TAOK1: variants seen among roughly 807,000 people sequenced by gnomAD.
TAOK1 encodes serine/threonine-protein kinase TAO1.
TAOK1 carries 21 observed loss-of-function variants against 138.3 expected under a neutral mutation model. The ratio of observed to expected loss-of-function variants is 0.15; its 90% CI spans 0.11 to 0.22. TAOK1 has a LOEUF of 0.22. Ranked by LOEUF, TAOK1 falls within the 10% of genes least tolerant of loss-of-function variation. TAOK1 has a pLI of 1.00. For synonymous variants in TAOK1, 361 were observed against 398.4 expected, an observed-to-expected ratio of 0.91 and a Z score of 1.12; for missense variants, 651 against 1,227.7, an observed-to-expected ratio of 0.53 and a Z score of 7.02.
At chr17:29,443,303 G>A (rs531921732) in intron 1 of TAOK1, among the ~76,000 whole-genome samples, 5 of 152,318 alleles carry the variant, frequency 3.3e-5, no homozygotes, top group African/African-American at 1.2e-4. Flanking sequence ...TGAATGTGCT[G>A]TAATTATCAG....
At chr17:29,463,301 G>A (rs975589879) in intron 2 of TAOK1, among the ~76,000 whole-genome samples, 3 of 152,252 alleles carry the variant, frequency 2.0e-5, no homozygotes, top group Middle Eastern at 3.4e-3. Context: ...CAGGCACGGT[G>A]GGTCATGCCT....
chr17:29,478,815 C>T (rs1414745977), intron 6 of TAOK1, among the ~76,000 whole-genome samples: 1 of 152,064 alleles, frequency 6.6e-6, no homozygotes, highest in Non-Finnish European at 1.5e-5. Context: ...GATTCTATGA[C>T]ATGGACGAAT....
At chr17:29,454,819 A>T (rs771977151) in intron 2 of TAOK1, among the ~76,000 whole-genome samples, 2 of 151,838 alleles carry the variant, frequency 1.3e-5, no homozygotes, top group African/African-American at 2.4e-5. Context: ...CTCCTGCCTC[A>T]GCCTCTCAAG....
rs573503282 is a variant in TAOK1 at position 29,495,732 on chromosome 17, G to A, written c.999+5G>A. ...GAAGCACAGGAAGAAGAAGAGGTAA[G>A]AGATAAAAAAATGACTCCAATATTG... On this transcript the variant is annotated splice_donor_5th_base_variant and intron_variant, in intron 11 of 19. Transcript: ENST00000261716. 5.0e-5 allele frequency: 79 copies of A among 1,586,474 alleles called. No homozygotes were observed. The South Asian group carries it at 8.7e-4, about 17-fold the overall frequency.
intron 1 of TAOK1, among the ~76,000 whole-genome samples, chr17:29,431,981 AC>A (rs1447068816): frequency 1.3e-5 from 2 of 151,618 alleles, no homozygotes; most frequent in Non-Finnish European, 2.9e-5. Context: ...TAATTTTTGT[AC>A]TTTTTAGTAG....
intron 2 of TAOK1, 43 bp from the exon 3 acceptor site, chr17:29,467,102 C>T: frequency 2.1e-6 from 3 of 1,444,800 alleles, no homozygotes; most frequent in South Asian, 1.3e-5. Context: ...CTAGATTTCA[C>T]CTGTTAATTT....
intron 15 of TAOK1, among the ~76,000 whole-genome samples, chr17:29,516,110 C>T (rs1241116145): frequency 1.3e-5 from 2 of 148,738 alleles, no homozygotes; most frequent in Non-Finnish European, 3.0e-5. Flanking sequence ...TGCAAGCCTG[C>T]ACCACCATGC....
At chr17:29,393,445 A>G (rs1471292089) in intron 1 of TAOK1, among the ~76,000 whole-genome samples, 1 of 152,338 alleles carries the variant, frequency 6.6e-6, no homozygotes, top group South Asian at 2.1e-4. Flanking sequence ...AAGTATGTTC[A>G]TGATCAATTA....
intron 1 of TAOK1, among the ~76,000 whole-genome samples, chr17:29,427,647 C>T (rs1905685776): frequency 6.6e-6 from 1 of 151,668 alleles, no homozygotes. Context: ...ATTTTCTTGG[C>T]CAGGCGTAGT....
At chr17:29,498,239 T>G (rs1278633285) in intron 11 of TAOK1, 79 bp from the exon 12 acceptor site, 21 of 1,446,442 alleles carry the variant, frequency 1.5e-5, no homozygotes, top group Non-Finnish European at 1.8e-5. Context: ...AGTGGTATGC[T>G]AGGTGCTTAT....
At chr17:29,415,077 C>T (rs1326942168) in intron 1 of TAOK1, among the ~76,000 whole-genome samples, 1 of 152,102 alleles carries the variant, frequency 6.6e-6, no homozygotes, top group Non-Finnish European at 1.5e-5. Context: ...TCAAGCGATT[C>T]TCCTGCCTCA....
intron 1 of TAOK1, among the ~76,000 whole-genome samples, chr17:29,422,460 C>G (rs532949330): frequency 6.6e-6 from 1 of 151,830 alleles, no homozygotes; most frequent in South Asian, 2.1e-4. Context: ...TCAGGTGATC[C>G]GCCCGCCTCA....
intron 9 of TAOK1, 43 bp from the exon 10 acceptor site, chr17:29,491,741 A>C (rs780751994): frequency 7.1e-7 from 1 of 1,399,504 alleles, no homozygotes; most frequent in Non-Finnish European, 1.0e-6. Context: ...GTATTTTTAA[A>C]GGAAATAGCA....
intron 1 of TAOK1, among the ~76,000 whole-genome samples, chr17:29,413,826 C>T (rs1452642932): frequency 1.3e-5 from 2 of 149,252 alleles, no homozygotes; most frequent in Non-Finnish European, 3.0e-5. Context: ...TTTGCCTATT[C>T]TGGATACTTC....
intron 1 of TAOK1, among the ~76,000 whole-genome samples, chr17:29,423,083 T>C (rs1357761207): frequency 1.3e-5 from 2 of 151,848 alleles, no homozygotes; most frequent in Non-Finnish European, 2.9e-5. Context: ...TTGGTTTCTT[T>C]TTTTTCCCCC....
rs149712326 is a variant in TAOK1, at chr17:29,550,839, T to G, written c.*7817T>G. On this transcript the variant is annotated 3_prime_UTR_variant, in exon 20 of 20. Transcript: ENST00000261716. ...TAAAAGAAAGAAATTAGTACATCAT[T>G]TTCTCTGGATTTTCTTCACTTCCCT... 0.016 allele frequency: 2,400 copies of G among 152,718 alleles called. 25 individuals carry two copies. The highest frequency in any genetic ancestry group is 0.088 in the Middle Eastern group (26 of 294). 9.5% of individuals were successfully genotyped at this position (152,718 alleles called of 1,614,324 possible).
intron 3 of TAOK1, among the ~76,000 whole-genome samples, chr17:29,468,608 C>T (rs1035079914): frequency 6.6e-5 from 10 of 150,546 alleles, no homozygotes; most frequent in African/African-American, 2.0e-4. Context: ...AGTGCAGTGG[C>T]GCGATCTTGG....
chr17:29,468,135 A>ATTTTTTTTTTTTTTTTTTTTT lies in TAOK1; in HGVS notation c.204+936_204+937insTTTTTTTTTTTTTTTTTTTTT, dbSNP rs761962930. 9.6e-4 allele frequency among the ~76,000 whole-genome samples: 73 copies of ATTTTTTTTTTTTTTTTTTTTT among 76,042 alleles called. 14 individuals are homozygous for ATTTTTTTTTTTTTTTTTTTTT. The highest frequency in any genetic ancestry group is 1.4e-3 in the African/African-American group (26 of 18,120). The allele number at this position is 76,042 out of a possible 152,430, so 49.9% of individuals were successfully genotyped here. A position where few individuals can be genotyped will look rare whatever the true frequency, so the allele number is the denominator to read the frequency against. On this transcript the variant is annotated intron_variant, in intron 3 of 19. Transcript: ENST00000261716. ...AACCACTGTGCTTGGCCTGCTTTCA[A>ATTTTTTTTTTTTTTTTTTTTT]TTTTTTTTTTTTTTTTTAGGAGCTG...
chr17:29,419,614 C>T (rs1905367305), intron 1 of TAOK1, among the ~76,000 whole-genome samples: 1 of 151,544 alleles, frequency 6.6e-6, no homozygotes, highest in African/African-American at 2.4e-5. Flanking sequence ...ACCTCAACCT[C>T]CTAAATAGCT....
Sources: gnomAD v4.1 joint callset for allele counts (sites outside exome capture counted in the v4.1 genomes callset) on GRCh38, gnomAD v4.1.1 for gene constraint, MANE v1.5 for transcripts, NCBI Gene and HGNC (gene_info 2026-07-23, HGNC 2026-07-21) for gene names.